The following NLRP8 variants were observed in gnomAD, a reference collection of about 807,000 sequenced individuals.
The protein encoded by NLRP8 is NLR family pyrin domain containing 8, also known as NACHT, LRR and PYD domains-containing protein 8.
NLRP8 carries 86 observed loss-of-function variants against 88.7 expected under a neutral mutation model. The observed-to-expected ratio is 0.97, with a 90% confidence interval of 0.81 to 1.16. NLRP8 has a LOEUF of 1.16. Ranked by LOEUF, NLRP8 falls within the 50% of genes most tolerant of loss-of-function variation. The probability of loss-of-function intolerance (pLI) is 0.00; values close to 1 mark genes in which losing one functional copy is unlikely to be tolerated. For synonymous variants in NLRP8, 504 were observed against 494.6 expected, an observed-to-expected ratio of 1.02 and a Z score of -0.25; for missense variants, 1,342 against 1,286.5, an observed-to-expected ratio of 1.04 and a Z score of -0.66.
chr19:55,961,653 T>C (rs1979617241), intron 3 of NLRP8, among the ~76,000 whole-genome samples: 1 of 151,886 alleles, frequency 6.6e-6, no homozygotes, highest in Non-Finnish European at 1.5e-5. Flanking sequence ...AATACAAAAA[T>C]CAGTCAGGTG....
Position 55,955,035 on chromosome 19 carries a change from C to T in NLRP8, c.977C>T (p.Pro326Leu), listed in dbSNP as rs755110708. The T allele has an allele frequency of 6.2e-7, 1 of 1,614,114 alleles. No homozygotes were observed. The highest frequency in any genetic ancestry group is 2.2e-5 in the East Asian group (1 of 44,882). ...AGTTTGCTGAGCAAAACGATGCTTC[C>T]AGAGGCCACGCTACTGATCATGATA... The change falls in exon 3 of 10, where the codon CCA becomes CTA. Residue 326 changes from proline (P) to leucine (L), a missense_variant. Coordinates refer to ENST00000291971, the MANE Select transcript of NLRP8 (RefSeq NM_176811.2).
chr19:55,966,952 A>G (rs533836570), intron 5 of NLRP8, among the ~76,000 whole-genome samples: 52 of 152,360 alleles, frequency 3.4e-4, no homozygotes, highest in African/African-American at 1.2e-3. Flanking sequence ...GTGAATACAT[A>G]GTAGGCATAT....
chr19:55,977,893 A>G (rs1214964441), intron 8 of NLRP8, among the ~76,000 whole-genome samples: 2 of 152,248 alleles, frequency 1.3e-5, no homozygotes, highest in South Asian at 4.1e-4. Context: ...TCTCAAATGA[A>G]ATTCAGTATG....
At chr19:55,964,421 A>G (rs1979746062) in intron 4 of NLRP8, among the ~76,000 whole-genome samples, 2 of 152,204 alleles carry the variant, frequency 1.3e-5, no homozygotes, top group South Asian at 4.1e-4. Context: ...TCCATGTTGC[A>G]CAGAACGGGC....
chr19:55,962,535 G>C (rs1028601824), intron 4 of NLRP8, among the ~76,000 whole-genome samples: 1 of 152,208 alleles, frequency 6.6e-6, no homozygotes, highest in African/African-American at 2.4e-5. Context: ...TAAGTGAATG[G>C]TGTACACAGT....
At position 55,986,306 on chromosome 19, in the gene NLRP8, AC is replaced by A. The variant is rs201343610; in HGVS notation, c.3048-1507del. Among the ~76,000 whole-genome samples, 1,475 of 148,946 alleles carry A rather than the reference AC, an allele frequency of 9.9e-3. 46 individuals are homozygous for A. Among genetic ancestry groups the A allele is most frequent in the East Asian group, 0.063 (309 of 4,902 alleles). ...CACACTCACACACACACTCTATCAT[AC>A]ACAGTCTCTCACACACACACACTCT... On this transcript the variant is annotated intron_variant, in intron 9 of 9. Coordinates refer to ENST00000291971, the MANE Select transcript of NLRP8 (RefSeq NM_176811.2).
intron 5 of NLRP8, 150 bp from the exon 6 acceptor site, chr19:55,970,394 C>T (rs1600309286): frequency 5.0e-6 from 4 of 793,962 alleles, no homozygotes; most frequent in Non-Finnish European, 3.8e-6. Context: ...AGTTCCTGAG[C>T]TTGGTGCAGG....
chr19:55,968,387 C>T (rs897652134), intron 5 of NLRP8, among the ~76,000 whole-genome samples: 2 of 151,922 alleles, frequency 1.3e-5, no homozygotes, highest in South Asian at 2.1e-4. Flanking sequence ...TGCAGTGAGC[C>T]GAGATCACGC....
chr19:55,952,547 C>T lies in NLRP8; in HGVS notation c.377C>T (p.Pro126Leu). 1 of 1,613,770 alleles carries T rather than the reference C, an allele frequency of 6.2e-7. No homozygotes were observed. Among genetic ancestry groups the T allele is most frequent in the Non-Finnish European group, 8.5e-7 (1 of 1,179,782 alleles). Residue 126 changes from proline (P) to leucine (L), a missense_variant, in exon 2 of 10, where the codon CCT becomes CTT. Coordinates refer to ENST00000291971, the MANE Select transcript of NLRP8 (RefSeq NM_176811.2). ...CTTTTTTCTGTTACAGCCATTCTGC[C>T]TACCTTGGAACCAGAGGACTTGAAT...
intron 5 of NLRP8, among the ~76,000 whole-genome samples, chr19:55,968,973 G>C (rs943239845): frequency 4.6e-5 from 7 of 152,064 alleles, no homozygotes; most frequent in Non-Finnish European, 1.0e-4. Flanking sequence ...CCCACTCTGA[G>C]CTGAAAATCA....
chr19:55,951,500 G>A (rs926634441), intron 1 of NLRP8, among the ~76,000 whole-genome samples: 4 of 152,174 alleles, frequency 2.6e-5, no homozygotes, highest in African/African-American at 9.7e-5. Flanking sequence ...AGATATACAC[G>A]TGTATGTACA....
At chr19:55,970,006 A>T (rs1175918041) in intron 5 of NLRP8, among the ~76,000 whole-genome samples, 2 of 152,168 alleles carry the variant, frequency 1.3e-5, no homozygotes, top group African/African-American at 4.8e-5. Flanking sequence ...ACTGGCAGAT[A>T]AATGCACAAA....
intron 3 of NLRP8, among the ~76,000 whole-genome samples, chr19:55,957,677 ATATATATATATATATATATAT>A (rs1360162357): frequency 8.4e-4 from 10 of 11,972 alleles, no homozygotes; most frequent in Non-Finnish European, 1.3e-3. Flanking sequence ...TAATAATTAT[ATATATATATATATATATATAT>A]ATATATATAT....
chr19:55,983,302 A>G (rs1254960716), intron 9 of NLRP8, among the ~76,000 whole-genome samples: 1 of 151,828 alleles, frequency 6.6e-6, no homozygotes, highest in Non-Finnish European at 1.5e-5. Flanking sequence ...CATCTCTACT[A>G]AAAATACAAA....
chr19:55,975,992 A>C (rs1172246108), intron 7 of NLRP8, 141 bp from the exon 8 acceptor site: 17 of 850,720 alleles, frequency 2.0e-5, no homozygotes, highest in Non-Finnish European at 2.6e-5. Context: ...GCAAAAACAA[A>C]AAACAAACAA....
chr19:55,978,673 G>A lies in NLRP8; in HGVS notation c.2877-721G>A, dbSNP rs535630499. Among the ~76,000 whole-genome samples, 16 of 152,210 alleles carry A rather than the reference G, an allele frequency of 1.1e-4. No individual in the cohort carries two copies. In the South Asian group the frequency reaches 3.3e-3, roughly 32 times the overall value. ...GCCGGCATCGTATTTATGATACACG[G>A]CACCTCTTTGAGACATGGTCACTTA... On this transcript the variant is annotated intron_variant, in intron 8 of 9. Coordinates refer to ENST00000291971, the MANE Select transcript of NLRP8 (RefSeq NM_176811.2).
intron 8 of NLRP8, among the ~76,000 whole-genome samples, chr19:55,976,709 T>C (rs951470686): frequency 2.7e-5 from 4 of 150,670 alleles, no homozygotes; most frequent in Non-Finnish European, 5.9e-5. Flanking sequence ...CATATATGTA[T>C]ATAAAGATAC....
At chr19:55,951,017 G>A (rs1019841374) in intron 1 of NLRP8, among the ~76,000 whole-genome samples, 1 of 152,218 alleles carries the variant, frequency 6.6e-6, no homozygotes, top group Non-Finnish European at 1.5e-5. Flanking sequence ...GGCAGAGGTT[G>A]CAGTGAGCTG....
chr19:55,977,401 TTATATGTAAA>T (rs928942571), intron 8 of NLRP8, among the ~76,000 whole-genome samples: 20 of 121,658 alleles, frequency 1.6e-4, no homozygotes, highest in Admixed American at 1.1e-3. Flanking sequence ...TACGAATATA[TTATATGTAAA>T]TATATGTAAA....
Sources: gnomAD v4.1 joint callset for allele counts (sites outside exome capture counted in the v4.1 genomes callset) on GRCh38, gnomAD v4.1.1 for gene constraint, MANE v1.5 for transcripts, NCBI Gene and HGNC (gene_info 2026-07-23, HGNC 2026-07-21) for gene names.